PTPRM: variants seen among roughly 807,000 people sequenced by gnomAD.
The protein encoded by PTPRM is receptor-type tyrosine-protein phosphatase mu.
In PTPRM, 47 loss-of-function variants were observed where a neutral mutation model predicts 186.7. The ratio of observed to expected loss-of-function variants is 0.25; its 90% CI spans 0.20 to 0.32. The LOEUF is 0.32. Among genes scored for constraint, PTPRM ranks in the 10% least tolerant of loss-of-function variants. The pLI, the probability that PTPRM is intolerant of heterozygous loss-of-function variation, is 1.00. For synonymous variants in PTPRM, 668 were observed against 674.9 expected, an observed-to-expected ratio of 0.99 and a Z score of 0.16; for missense variants, 1,494 against 1,865.0, an observed-to-expected ratio of 0.80 and a Z score of 3.66.
intron 20 of PTPRM, among the ~76,000 whole-genome samples, chr18:8,307,064 G>A (rs2147972163): frequency 6.6e-6 from 1 of 152,322 alleles, no homozygotes; most frequent in East Asian, 1.9e-4. Context: ...TCATCTGAGA[G>A]CTTTGTTTGA....
At chr18:8,252,607 A>G (rs2094538470) in intron 18 of PTPRM, 108 bp downstream of exon 18, 6 of 1,097,702 alleles carry the variant, frequency 5.5e-6, no homozygotes, top group Non-Finnish European at 8.4e-6. Flanking sequence ...GCTGGCCTGC[A>G]TGTTTGCCTT....
chr18:7,942,589 C>A (rs1208089493), intron 5 of PTPRM, among the ~76,000 whole-genome samples: 1 of 151,700 alleles, frequency 6.6e-6, no homozygotes, highest in Non-Finnish European at 1.5e-5. Context: ...GTTTCCTAGC[C>A]CATCTCAGGG....
intron 2 of PTPRM, among the ~76,000 whole-genome samples, chr18:7,811,870 G>C (rs564183704): frequency 3.9e-5 from 6 of 152,226 alleles, no homozygotes; most frequent in Middle Eastern, 3.4e-3. Context: ...CAGTGTTTGG[G>C]CATTTGGGTG....
chr18:8,035,533 A>T (rs2086265636), intron 7 of PTPRM, among the ~76,000 whole-genome samples: 3 of 152,230 alleles, frequency 2.0e-5, no homozygotes, highest in Middle Eastern at 3.4e-3. Flanking sequence ...CTATGTAAAT[A>T]GTTCTTATAC....
intron 14 of PTPRM, among the ~76,000 whole-genome samples, chr18:8,195,401 T>C (rs1192146850): frequency 6.6e-6 from 1 of 151,952 alleles, no homozygotes; most frequent in Non-Finnish European, 1.5e-5. Flanking sequence ...TAGTGAACAG[T>C]AAAAAAGAAA....
chr18:8,111,238 G>A (rs936824123), intron 11 of PTPRM, among the ~76,000 whole-genome samples: 1 of 152,282 alleles, frequency 6.6e-6, no homozygotes, highest in East Asian at 1.9e-4. Context: ...TTTCCCAGAA[G>A]TTGTTTTTAA....
At chr18:7,781,090 T>C (rs1453156727) in intron 2 of PTPRM, among the ~76,000 whole-genome samples, 3 of 152,316 alleles carry the variant, frequency 2.0e-5, no homozygotes, top group Non-Finnish European at 4.4e-5. Flanking sequence ...TTAGTATTAT[T>C]AAATAATTTA....
intron 19 of PTPRM, among the ~76,000 whole-genome samples, chr18:8,272,971 A>T (rs1163097105): frequency 6.6e-6 from 1 of 152,194 alleles, no homozygotes; most frequent in African/African-American, 2.4e-5. Flanking sequence ...AATTATCTTT[A>T]GTAATGTTTT....
chr18:8,297,063 T>G (rs1411467493), intron 20 of PTPRM, among the ~76,000 whole-genome samples: 1 of 152,166 alleles, frequency 6.6e-6, no homozygotes, highest in Non-Finnish European at 1.5e-5. Context: ...CTCATTAATG[T>G]TGCGTAGCAA....
At chr18:7,598,684 C>A (rs1478534429) in intron 1 of PTPRM, among the ~76,000 whole-genome samples, 1 of 151,744 alleles carries the variant, frequency 6.6e-6, no homozygotes, top group Non-Finnish European at 1.5e-5. Context: ...TCAACTTTTG[C>A]CTCATGTTAG....
intron 13 of PTPRM, chr18:8,122,227 C>G (rs1449311863): frequency 6.6e-6 from 1 of 152,482 alleles, no homozygotes; most frequent in Admixed American, 6.6e-5. Flanking sequence ...ACCTGGAAAT[C>G]CTCCTTTGCC....
At chr18:8,015,748 T>A (rs118015989) in intron 7 of PTPRM, among the ~76,000 whole-genome samples, 80 of 152,324 alleles carry the variant, frequency 5.3e-4, no homozygotes, top group Non-Finnish European at 1.0e-3. Context: ...AAGATAAGTG[T>A]AGAATTGATC....
At chr18:7,618,137 A>G (rs1375423080) in intron 1 of PTPRM, among the ~76,000 whole-genome samples, 2 of 152,186 alleles carry the variant, frequency 1.3e-5, no homozygotes, top group East Asian at 3.9e-4. Flanking sequence ...GTAGCCAAAA[A>G]TCCTGAAACA....
chr18:8,177,287 C>T (rs1409905103), intron 14 of PTPRM, among the ~76,000 whole-genome samples: 1 of 152,174 alleles, frequency 6.6e-6, no homozygotes, highest in Non-Finnish European at 1.5e-5. Flanking sequence ...ATTCATTCAA[C>T]ACATTTTTTG....
At chr18:8,293,154 C>T (rs543723858) in intron 19 of PTPRM, among the ~76,000 whole-genome samples, 1 of 152,198 alleles carries the variant, frequency 6.6e-6, no homozygotes, top group South Asian at 2.1e-4. Context: ...AAACTTGGGC[C>T]CCATCTGTAG....
chr18:7,905,245 G>A (rs1425193602), intron 3 of PTPRM, among the ~76,000 whole-genome samples: 4 of 152,038 alleles, frequency 2.6e-5, no homozygotes, highest in East Asian at 1.9e-4. Flanking sequence ...TGCCTGCCTC[G>A]GCCTCCCAAA....
At chr18:7,803,881 G>A (rs182015141) in intron 2 of PTPRM, among the ~76,000 whole-genome samples, 3 of 152,150 alleles carry the variant, frequency 2.0e-5, no homozygotes, top group Non-Finnish European at 2.9e-5. Context: ...AGCTTAACCC[G>A]AAATCTGAGA....
At chr18:7,636,440 A>G (rs2038314533) in intron 1 of PTPRM, among the ~76,000 whole-genome samples, 1 of 152,190 alleles carries the variant, frequency 6.6e-6, no homozygotes, top group South Asian at 2.1e-4. Flanking sequence ...TTTACTTCCA[A>G]GTAAACCCCA....
At chr18:7,986,472 G>T (rs1456551020) in intron 7 of PTPRM, among the ~76,000 whole-genome samples, 4 of 152,198 alleles carry the variant, frequency 2.6e-5, no homozygotes, top group African/African-American at 9.6e-5. Context: ...TTTGGTGCCA[G>T]AATGAGCTAG....
Sources: allele counts gnomAD v4.1 joint callset (sites outside exome capture counted in the v4.1 genomes callset), GRCh38; gene constraint gnomAD v4.1.1; transcripts MANE v1.5; gene names NCBI Gene and HGNC (gene_info 2026-07-23, HGNC 2026-07-21).